NUDCD3: variants seen among roughly 807,000 people sequenced by gnomAD.
NUDCD3 encodes nudC domain-containing protein 3.
A neutral mutation model predicts 39.7 loss-of-function variants in NUDCD3; 13 were observed. The ratio of observed to expected loss-of-function variants is 0.33; its 90% CI spans 0.21 to 0.52. NUDCD3 has a LOEUF of 0.52. Ranked by LOEUF, NUDCD3 falls within the 20% of genes least tolerant of loss-of-function variation. The pLI, the probability that NUDCD3 is intolerant of heterozygous loss-of-function variation, is 0.96. For missense variants in NUDCD3, 453 were observed against 458.1 expected (o/e 0.99, Z 0.10); for synonymous variants, 175 against 172.4 (o/e 1.02, Z -0.12).
intron 2 of NUDCD3, among the ~76,000 whole-genome samples, chr7:44,465,222 T>C (rs556673590): frequency 2.6e-5 from 4 of 152,356 alleles, no homozygotes; most frequent in Non-Finnish European, 4.4e-5. Flanking sequence ...AAAGAAACTT[T>C]TAGTGATTTT....
intron 3 of NUDCD3, among the ~76,000 whole-genome samples, chr7:44,421,822 C>T (rs924382598): frequency 1.3e-5 from 2 of 151,382 alleles, no homozygotes; most frequent in Non-Finnish European, 3.0e-5. Context: ...CTGACCTAAT[C>T]CACAGAATAT....
intron 2 of NUDCD3, among the ~76,000 whole-genome samples, chr7:44,460,821 T>C (rs10240958): frequency 0.13 from 19,566 of 152,242 alleles, 1,671 homozygotes; most frequent in Non-Finnish European, 0.19. Flanking sequence ...ATTTCACAAA[T>C]ACTATAAAAC....
intron 2 of NUDCD3, among the ~76,000 whole-genome samples, chr7:44,447,695 C>T (rs1281583240): frequency 1.3e-5 from 2 of 152,226 alleles, no homozygotes; most frequent in Non-Finnish European, 2.9e-5. Context: ...AACACCTGCT[C>T]TCAAGTATTC....
intron 4 of NUDCD3, among the ~76,000 whole-genome samples, chr7:44,399,303 TC>T (rs1348565298): frequency 2.6e-5 from 4 of 152,184 alleles, no homozygotes; most frequent in Admixed American, 2.6e-4. Context: ...GATTCTGATT[TC>T]CCCTGAAAAA....
At chr7:44,448,428 G>A (rs1417278207) in intron 2 of NUDCD3, among the ~76,000 whole-genome samples, 11 of 152,130 alleles carry the variant, frequency 7.2e-5, no homozygotes, top group Non-Finnish European at 1.3e-4. Flanking sequence ...TGCCCGAGGC[G>A]CCGGAGAGAT....
At chr7:44,396,126 T>TGTGTGTGTGTGTG (rs1563164530) in intron 4 of NUDCD3, among the ~76,000 whole-genome samples, 1 of 147,968 alleles carries the variant, frequency 6.8e-6, no homozygotes, top group African/African-American at 2.4e-5. Flanking sequence ...TGTGTGTGTG[T>TGTGTGTGTGTGTG]TTAATTACAG....
intron 2 of NUDCD3, among the ~76,000 whole-genome samples, chr7:44,435,142 G>T (rs1477509766): frequency 6.6e-6 from 1 of 151,994 alleles, no homozygotes; most frequent in Non-Finnish European, 1.5e-5. Flanking sequence ...TAAAAATCTA[G>T]TATCAATAAT....
chr7:44,391,697 T>C (rs1053181983), intron 5 of NUDCD3, among the ~76,000 whole-genome samples: 1 of 152,288 alleles, frequency 6.6e-6, no homozygotes, highest in Non-Finnish European at 1.5e-5. Context: ...AACCCTTTTT[T>C]CCCTAAATAG....
At chr7:44,391,030 G>A (rs1798505360) in intron 5 of NUDCD3, among the ~76,000 whole-genome samples, 3 of 152,268 alleles carry the variant, frequency 2.0e-5, no homozygotes. Flanking sequence ...CAAGGGCCAG[G>A]GTGGACAGGG....
chr7:44,478,804 G>C (rs1394096236), intron 2 of NUDCD3, among the ~76,000 whole-genome samples: 3 of 152,184 alleles, frequency 2.0e-5, no homozygotes, highest in African/African-American at 7.2e-5. Flanking sequence ...AATGTATGCT[G>C]CAACAGCTTT....
chr7:44,473,222 A>G (rs1476797621), intron 2 of NUDCD3, among the ~76,000 whole-genome samples: 2 of 152,314 alleles, frequency 1.3e-5, no homozygotes, highest in South Asian at 2.1e-4. Flanking sequence ...GACCAATTAA[A>G]TCAGATCTCT....
Position 44,468,160 on chromosome 7 carries a change from G to A in NUDCD3, c.509+16808C>T, listed in dbSNP as rs756963694. 1.4e-5 allele frequency: 22 copies of A among 1,604,474 alleles called. No individual in the cohort carries two copies. In the African/African-American group the frequency reaches 2.4e-4, roughly 18 times the overall value. On this transcript the variant is annotated intron_variant, in intron 2 of 5. Transcript: ENST00000355451. ...ACAACATCAAGGAGCTGGAAGTGCTGCTGATGTGCAACAAATCTTACTGTG... is the reference window on the plus strand; with the variant it reads ...ACAACATCAAGGAGCTGGAAGTGCTACTGATGTGCAACAAATCTTACTGTG...
At chr7:44,402,886 C>A in intron 4 of NUDCD3, 1 of 314,472 alleles carries the variant, frequency 3.2e-6, no homozygotes, top group South Asian at 2.5e-5. Flanking sequence ...GTGCATCACT[C>A]ATGCTCTCAT....
chr7:44,436,584 T>C (rs1799468288), intron 2 of NUDCD3, among the ~76,000 whole-genome samples: 1 of 152,196 alleles, frequency 6.6e-6, no homozygotes, highest in Non-Finnish European at 1.5e-5. Flanking sequence ...CCATGCTTTG[T>C]ACTGTCAGAC....
chr7:44,425,006 G>A lies in NUDCD3; in HGVS notation c.642+2565C>T, dbSNP rs1170239863. On this transcript the variant is annotated intron_variant, in intron 3 of 5. Transcript: ENST00000355451. ...TGTCCTTTGCAGGTACATGGATGAA[G>A]CTGGAAACCATCATCCTGAGCAAAT... is the stretch of plus-strand genomic sequence containing the variant. Among the ~76,000 whole-genome samples the A allele has an allele frequency of 3.3e-5, 5 of 152,294 alleles. No individual in the cohort carries two copies. In the East Asian group the frequency reaches 7.7e-4, roughly 23 times the overall value.
intron 2 of NUDCD3, among the ~76,000 whole-genome samples, chr7:44,476,715 G>C (rs532312842): frequency 7.6e-4 from 116 of 152,198 alleles, no homozygotes; most frequent in African/African-American, 2.8e-3. Context: ...GGCATGCACT[G>C]GGGGGGTCAT....
chr7:44,444,119 G>C (rs930573138), intron 2 of NUDCD3, among the ~76,000 whole-genome samples: 33 of 152,306 alleles, frequency 2.2e-4, no homozygotes, highest in African/African-American at 7.5e-4. Context: ...ATTGAGAACA[G>C]AATTTCTGGA....
chr7:44,403,796 T>C (rs1198587778), intron 4 of NUDCD3, among the ~76,000 whole-genome samples: 2 of 152,274 alleles, frequency 1.3e-5, no homozygotes, highest in Non-Finnish European at 2.9e-5. Context: ...TACCATGCCC[T>C]GTAAACACCC....
intron 5 of NUDCD3, among the ~76,000 whole-genome samples, chr7:44,389,292 C>T (rs1798464804): frequency 6.6e-6 from 1 of 152,196 alleles, no homozygotes; most frequent in African/African-American, 2.4e-5. Context: ...GGTTTGAGGT[C>T]CAGAACTGCC....
Sources: gnomAD v4.1 joint callset for allele counts (sites outside exome capture counted in the v4.1 genomes callset) on GRCh38, gnomAD v4.1.1 for gene constraint, MANE v1.5 for transcripts, NCBI Gene and HGNC (gene_info 2026-07-23, HGNC 2026-07-21) for gene names.